Variants in SMAD1 observed in about 807,000 individuals in gnomAD.
SMAD1 encodes the protein MAD, mothers against decapentaplegic homolog 1.
A neutral mutation model predicts 41.6 loss-of-function variants in SMAD1; 6 were observed. The observed-to-expected ratio is 0.14, with a 90% confidence interval of 0.08 to 0.28. The LOEUF is 0.28. Ranked by LOEUF, SMAD1 falls within the 10% of genes least tolerant of loss-of-function variation. The pLI is 1.00. For synonymous variants in SMAD1, 206 were observed against 203.2 expected, an observed-to-expected ratio of 1.01 and a Z score of -0.12; for missense variants, 379 against 582.6, an observed-to-expected ratio of 0.65 and a Z score of 3.60.
intron 1 of SMAD1, chr4:145,503,875 G>A (rs1729611461): frequency 6.6e-6 from 1 of 152,322 alleles, no homozygotes; most frequent in African/African-American, 2.4e-5. Context: ...GTGTGTGAGT[G>A]CGCCCTGCCA....
At chr4:145,537,307 G>A (rs1271443928) in intron 2 of SMAD1, among the ~76,000 whole-genome samples, 1 of 152,120 alleles carries the variant, frequency 6.6e-6, no homozygotes, top group Non-Finnish European at 1.5e-5. Flanking sequence ...AGGGTAAAGG[G>A]ACATGTATGT....
intron 2 of SMAD1, among the ~76,000 whole-genome samples, chr4:145,527,582 A>C (rs903133490): frequency 6.6e-6 from 1 of 152,078 alleles, no homozygotes; most frequent in Admixed American, 6.6e-5. Flanking sequence ...GGCTACTGAT[A>C]TGTAGAATTT....
At chr4:145,549,477 C>T (rs1450927121) in intron 5 of SMAD1, among the ~76,000 whole-genome samples, 3 of 152,114 alleles carry the variant, frequency 2.0e-5, no homozygotes, top group South Asian at 2.1e-4. Flanking sequence ...ATGCACGGTG[C>T]GTGTGCAGCA....
intron 1 of SMAD1, among the ~76,000 whole-genome samples, chr4:145,488,670 TTTTG>T (rs1432869259): frequency 6.6e-6 from 1 of 152,178 alleles, no homozygotes; most frequent in Non-Finnish European, 1.5e-5. Context: ...ATGCAAGATC[TTTTG>T]TTTGTTTAGA....
chr4:145,499,274 C>CT (rs1729288626), intron 1 of SMAD1, among the ~76,000 whole-genome samples: 1 of 152,198 alleles, frequency 6.6e-6, no homozygotes, highest in African/African-American at 2.4e-5. Context: ...CTGCACCTAA[C>CT]TTTATCTGAC....
At position 145,553,964 on chromosome 4, in the gene SMAD1, C is replaced by T. The variant is rs776592095; in HGVS notation, c.1178C>T (p.Ala393Val). 1.2e-6 allele frequency: 2 copies of T among 1,613,844 alleles called. No individual in the cohort carries two copies. Among genetic ancestry groups the T allele is most frequent in the South Asian group, 2.2e-5 (2 of 91,062 alleles). The change falls in exon 6 of 7, where the codon GCA (alanine) becomes GTA (valine). Residue 393 changes from alanine (A) to valine (V), a missense_variant. By Grantham distance (64) the Ala-to-Val change is moderately conservative. Coordinates refer to ENST00000302085, the MANE Select transcript of SMAD1 (RefSeq NM_005900.3). ...FNNQEFAQLL[A>V]QSVNHGFETV... Reference sequence around the variant, plus strand: ...AACCAAGAATTTGCTCAGTTATTGGCACAGTCTGTGAACCATGGATTTGAG... The same window carrying T: ...AACCAAGAATTTGCTCAGTTATTGGTACAGTCTGTGAACCATGGATTTGAG...
chr4:145,527,511 C>T (rs1447243004), intron 2 of SMAD1, among the ~76,000 whole-genome samples: 4 of 152,138 alleles, frequency 2.6e-5, no homozygotes, highest in Non-Finnish European at 4.4e-5. Flanking sequence ...GCGTGAGCCA[C>T]CGCGCCCGGC....
intron 2 of SMAD1, among the ~76,000 whole-genome samples, chr4:145,529,315 T>G (rs1158458680): frequency 6.6e-6 from 1 of 152,168 alleles, no homozygotes; most frequent in Non-Finnish European, 1.5e-5. Flanking sequence ...GCACCTTCCT[T>G]CTGTGGAAGT....
chr4:145,540,356 T>C (rs1731852975), intron 3 of SMAD1, among the ~76,000 whole-genome samples: 1 of 152,238 alleles, frequency 6.6e-6, no homozygotes, highest in South Asian at 2.1e-4. Flanking sequence ...TGTTACAGTC[T>C]TTACTCTTGA....
chr4:145,496,630 G>C (rs77771857), intron 1 of SMAD1, among the ~76,000 whole-genome samples: 287 of 152,240 alleles, frequency 1.9e-3, no homozygotes, highest in African/African-American at 6.6e-3. Flanking sequence ...TGAATATGCA[G>C]AGGGGCAGCT....
chr4:145,482,253 C>T lies in SMAD1; in HGVS notation c.-177+215C>T, dbSNP rs1380974257. ...CCCCCCCCATGATGGCGCCTCCCGT[C>T]TGCTCGGAGGAGCGAACCTGCTACC... On this transcript the variant is annotated intron_variant, in intron 1 of 6. Transcript: ENST00000302085. This position sits in a 1 kb window ranked among gnomAD's most constrained non-coding sequence, Gnocchi z 4.2. Among the ~76,000 whole-genome samples, 1 of 149,468 alleles carries T rather than the reference C, an allele frequency of 6.7e-6. No individual in the cohort carries two copies. Among genetic ancestry groups the T allele is most frequent in the Non-Finnish European group, 1.5e-5 (1 of 67,170 alleles).
At chr4:145,483,289 T>C (rs867615025) in intron 1 of SMAD1, 6 of 152,216 alleles carry the variant, frequency 3.9e-5, no homozygotes, top group South Asian at 2.1e-4. Flanking sequence ...ATTTCTGTTA[T>C]TTCTTCCTGT....
chr4:145,522,928 C>T (rs887935857), intron 2 of SMAD1, among the ~76,000 whole-genome samples: 6 of 152,118 alleles, frequency 3.9e-5, no homozygotes, highest in African/African-American at 1.4e-4. Flanking sequence ...CTGCCCGCCT[C>T]AGCCTCCCAA....
intron 5 of SMAD1, among the ~76,000 whole-genome samples, chr4:145,552,963 G>A (rs1732630630): frequency 6.6e-6 from 1 of 152,168 alleles, no homozygotes; most frequent in East Asian, 1.9e-4. Flanking sequence ...GGAGTGCAGT[G>A]GCTCAATCAC....
intron 1 of SMAD1, among the ~76,000 whole-genome samples, chr4:145,499,211 C>T (rs146867637): frequency 1.1e-3 from 170 of 152,294 alleles, no homozygotes; most frequent in African/African-American, 3.9e-3. Flanking sequence ...ATTCAAAATG[C>T]TCCAAGATCC....
intron 2 of SMAD1, among the ~76,000 whole-genome samples, chr4:145,523,653 G>C (rs1433469949): frequency 1.3e-5 from 2 of 152,126 alleles, no homozygotes; most frequent in Non-Finnish European, 2.9e-5. Context: ...TTTTGGTGTA[G>C]GGGAGAGGTG....
At chr4:145,533,492 C>G (rs1194741856) in intron 2 of SMAD1, among the ~76,000 whole-genome samples, 1 of 152,032 alleles carries the variant, frequency 6.6e-6, no homozygotes, top group Non-Finnish European at 1.5e-5. Flanking sequence ...TTGAGACCAG[C>G]CTGGGCAACA....
rs564978491 is a variant in SMAD1, at chr4:145,518,884, T to G, written c.400+3871T>G. 9.5e-5 allele frequency among the ~76,000 whole-genome samples: 12 copies of G among 125,728 alleles called. 1 individual carries two copies. Among genetic ancestry groups the G allele is most frequent in the Admixed American group, 2.2e-4 (3 of 13,336 alleles). 82.5% of individuals were successfully genotyped at this position (125,728 alleles called of 152,430 possible). On this transcript the variant is annotated intron_variant, in intron 2 of 6. Coordinates refer to ENST00000302085, the MANE Select transcript of SMAD1 (RefSeq NM_005900.3). The stretch of plus-strand genomic sequence containing the variant: ...TGGAACTTGTTAGAAAAGCTAATTA[T>G]TATTTTTAAATTGACAAATAATTGT...
intron 1 of SMAD1, among the ~76,000 whole-genome samples, chr4:145,487,748 A>G (rs978691805): frequency 6.6e-6 from 1 of 152,222 alleles, no homozygotes; most frequent in African/African-American, 2.4e-5. Context: ...AGATGGTGTC[A>G]GTTTTAGAGG....
Sources: allele counts gnomAD v4.1 joint callset (sites outside exome capture counted in the v4.1 genomes callset), GRCh38; gene constraint gnomAD v4.1.1; non-coding constraint Gnocchi (gnomAD v3.1); transcripts MANE v1.5; gene names NCBI Gene and HGNC (gene_info 2026-07-23, HGNC 2026-07-21).